Variants in IARS2 observed in about 807,000 individuals in gnomAD.
The protein encoded by IARS2 is isoleucyl-tRNA synthetase 2, mitochondrial.
IARS2 carries 56 observed loss-of-function variants against 126.3 expected under a neutral mutation model. The observed-to-expected ratio is 0.44, with a 90% confidence interval of 0.36 to 0.55. The LOEUF (loss-of-function observed/expected upper bound fraction) is 0.55, where lower values mean the gene tolerates loss of function less well. Ranked by LOEUF, IARS2 falls within the 20% of genes least tolerant of loss-of-function variation. IARS2 has a pLI of 0.00. For synonymous variants in IARS2, 407 were observed against 441.1 expected (o/e 0.92, Z 0.97); for missense variants, 1,127 against 1,245.9 (o/e 0.90, Z 1.44).
rs773732328 is a variant in IARS2 at position 220,094,271 on chromosome 1, C to T, written c.55C>T (p.Arg19Ter). 1 of 1,609,152 alleles carries T rather than the reference C, an allele frequency of 6.2e-7. No homozygotes were observed. The highest frequency in any genetic ancestry group is 1.3e-5 in the African/African-American group (1 of 74,722). ...GGGCGCGGCCGCCCTGGCCACTGCCCGAAGTTTGTGGGGGACGCCCCGCCT... is the reference window on the plus strand; with the variant it reads ...GGGCGCGGCCGCCCTGGCCACTGCCTGAAGTTTGTGGGGGACGCCCCGCCT... ...GPGAAALATA[R>*]SLWGTPRLPC... Residue 19 changes from arginine to a stop codon, truncating the protein, a stop_gained, in exon 1 of 23, where the codon CGA becomes TGA. Coordinates refer to ENST00000366922, the MANE Select transcript of IARS2 (RefSeq NM_018060.4). LOFTEE classifies it high-confidence loss of function.
At chr1:220,119,248 C>T (rs561650092) in intron 12 of IARS2, among the ~76,000 whole-genome samples, 1 of 152,082 alleles carries the variant, frequency 6.6e-6, no homozygotes, top group East Asian at 1.9e-4. Flanking sequence ...AGAAGGGACA[C>T]GTAATGCATG....
intron 13 of IARS2, among the ~76,000 whole-genome samples, chr1:220,125,979 C>T (rs1321903995): frequency 2.6e-5 from 4 of 151,644 alleles, no homozygotes; most frequent in African/African-American, 2.4e-5. Flanking sequence ...CGATGGTGGG[C>T]GCCTGTAGTC....
intron 12 of IARS2, among the ~76,000 whole-genome samples, chr1:220,121,251 A>G (rs1241324052): frequency 6.6e-6 from 1 of 152,216 alleles, no homozygotes; most frequent in Non-Finnish European, 1.5e-5. Context: ...AAGAAAAACA[A>G]AAAACCTTTC....
intron 19 of IARS2, 50 bp from the exon 20 acceptor site, chr1:220,141,753 C>T (rs1657496234): frequency 6.3e-7 from 1 of 1,592,782 alleles, no homozygotes; most frequent in African/African-American, 1.3e-5. Flanking sequence ...ATCTAGGTGA[C>T]CATAATGTAT....
At position 220,102,274 on chromosome 1, in the gene IARS2, T is replaced by A. The variant is rs546640845; in HGVS notation, c.696T>A (p.Asp232Glu). 6.2e-7 allele frequency: 1 copy of A among 1,607,140 alleles called. No individual in the cohort carries two copies. Among genetic ancestry groups the A allele is most frequent in the African/African-American group, 1.3e-5 (1 of 74,402 alleles). Residue 232 changes from aspartate to glutamate, a missense_variant, in exon 4 of 23, where the codon GAT (aspartate) becomes GAA (glutamate). Physicochemically the swap from Asp to Glu is conservative, Grantham distance 45. Coordinates refer to ENST00000366922, the MANE Select transcript of IARS2 (RefSeq NM_018060.4). ...KQLRTFYQMYDKGLVYRSYKP... is the reference protein window; with the variant it reads ...KQLRTFYQMYEKGLVYRSYKP... Reference sequence around the variant, plus strand: ...TGAGAACTTTTTACCAAATGTATGATAAGGTAAAGAAGTATTTTTTCTCTT... The same window carrying A: ...TGAGAACTTTTTACCAAATGTATGAAAAGGTAAAGAAGTATTTTTTCTCTT...
intron 9 of IARS2, among the ~76,000 whole-genome samples, chr1:220,106,666 C>T (rs1274155312): frequency 2.8e-5 from 4 of 144,306 alleles, no homozygotes; most frequent in Non-Finnish European, 4.5e-5. Flanking sequence ...CTTGCTCTGT[C>T]GCCCAGGCTG....
At position 220,109,599 on chromosome 1, in the gene IARS2, C is replaced by T. The variant is rs958089296; in HGVS notation, c.1328-1187C>T. Reference sequence around the variant, plus strand: ...GAGATGGCACTTTTAGAGACAGCAGCTTCAAACCCAGAAAAGGGTAATGAG... The same window carrying T: ...GAGATGGCACTTTTAGAGACAGCAGTTTCAAACCCAGAAAAGGGTAATGAG... On this transcript the variant is annotated intron_variant, in intron 10 of 22. Coordinates refer to ENST00000366922, the MANE Select transcript of IARS2 (RefSeq NM_018060.4). 3.9e-5 allele frequency among the ~76,000 whole-genome samples: 6 copies of T among 152,296 alleles called. No homozygotes were observed. In the East Asian group the frequency reaches 7.7e-4, roughly 20 times the overall value.
chr1:220,120,381 CT>C (rs545771444), intron 12 of IARS2, among the ~76,000 whole-genome samples: 162 of 137,240 alleles, frequency 1.2e-3, no homozygotes, highest in Non-Finnish European at 1.2e-3. Context: ...CGCGCCCGGC[CT>C]TTTTTTTTTT....
At position 220,110,935 on chromosome 1, in the gene IARS2, A is replaced by G; in HGVS notation, c.1477A>G (p.Lys493Glu). 6.2e-7 allele frequency: 1 copy of G among 1,611,768 alleles called. No individual in the cohort carries two copies. The highest frequency in any genetic ancestry group is 1.1e-5 in the South Asian group (1 of 90,364). ...CATCACGGATATTAAGACTGCAGCC[A>G]AGGTATAAAAAGCATCCTGTTTTAA... ...INITDIKTAA[K>E]ELLKKVKFIP... Residue 493 changes from lysine to glutamate, a missense_variant and splice_region_variant, in exon 11 of 23, where the codon AAG becomes GAG. By Grantham distance (56) the Lys-to-Glu change is moderately conservative (BLOSUM62 1). Transcript: ENST00000366922.
intron 10 of IARS2, among the ~76,000 whole-genome samples, chr1:220,109,004 C>T (rs951480038): frequency 5.3e-5 from 8 of 151,908 alleles, no homozygotes; most frequent in South Asian, 4.2e-4. Context: ...AAGGACAGTA[C>T]GTTTTAAGCC....
intron 12 of IARS2, among the ~76,000 whole-genome samples, chr1:220,117,060 A>C (rs1448129328): frequency 6.6e-6 from 1 of 151,836 alleles, no homozygotes; most frequent in African/African-American, 2.4e-5. Context: ...ACTTAGTTTA[A>C]AAGAAAAAGA....
chr1:220,141,747 A>G (rs1042129236), intron 19 of IARS2, 56 bp from the exon 20 acceptor site: 2 of 1,573,924 alleles, frequency 1.3e-6, no homozygotes, highest in Middle Eastern at 1.7e-4. Context: ...GGTCCCATCT[A>G]GGTGACCATA....
In IARS2 at chr1:220,145,668, AAAGTAAC is replaced by A; in HGVS notation, c.2896+24_2896+30del. The A allele has an allele frequency of 6.2e-7, 1 of 1,601,876 alleles. No individual in the cohort carries two copies. The highest frequency in any genetic ancestry group is 8.5e-7 in the Non-Finnish European group (1 of 1,171,996). On this transcript the variant is annotated intron_variant, in intron 22 of 22. Transcript: ENST00000366922. ...CAACTTAGAAGGTAAGAAGGAGATG[AAAGTAAC>A]AAGTAACATCTGGAGAATTGAATAA...
At chr1:220,097,271 C>T (rs1016878575) in intron 2 of IARS2, among the ~76,000 whole-genome samples, 1 of 151,762 alleles carries the variant, frequency 6.6e-6, no homozygotes, top group African/African-American at 2.4e-5. Context: ...CTCTTTGCTA[C>T]TTTAGTGACT....
rs199840959 is a variant in IARS2 at position 220,142,958 on chromosome 1, T to C, written c.2575T>C (p.Phe859Leu). Residue 859 changes from phenylalanine (F) to leucine (L), a missense_variant, in exon 21 of 23, where the codon TTC becomes CTC. Transcript: ENST00000366922. The stretch of plus-strand genomic sequence containing the variant: ...TTCTTCTGAAGAGCCCAAGAGTGTT[T>C]TCCGTACTGGGTGGATTAGTACTAG... ...IPYIKEPKSV[F>L]RTGWISTSSI... 36 of 1,610,430 alleles carry C rather than the reference T, an allele frequency of 2.2e-5. No homozygotes were observed. In the East Asian group the frequency reaches 7.4e-4, roughly 33 times the overall value.
intron 14 of IARS2, among the ~76,000 whole-genome samples, chr1:220,131,133 A>G (rs1657257811): frequency 6.6e-6 from 1 of 152,012 alleles, no homozygotes; most frequent in Admixed American, 6.6e-5. Flanking sequence ...GTTTCTGTGA[A>G]GAATATCATT....
chr1:220,115,082 G>A (rs1656887339), intron 12 of IARS2, among the ~76,000 whole-genome samples: 1 of 151,926 alleles, frequency 6.6e-6, no homozygotes, highest in African/African-American at 2.4e-5. Flanking sequence ...GTTTACAGCT[G>A]TTTCTGAATC....
Position 220,125,334 on chromosome 1 carries a change from T to A in IARS2, c.1738T>A (p.Ser580Thr). Residue 580 changes from serine to threonine, a missense_variant, in exon 13 of 23, where the codon TCT becomes ACT. Coordinates refer to ENST00000366922, the MANE Select transcript of IARS2 (RefSeq NM_018060.4). ...PEQLLPKEVL[S>T]EVGGPDALEY... ...ACAACTTCTTCCAAAAGAAGTCTTA[T>A]CTGAGGTAAATTTCTGTTTGTATTT... The A allele has an allele frequency of 1.9e-6, 3 of 1,600,844 alleles. No homozygotes were observed. The highest frequency in any genetic ancestry group is 2.6e-6 in the Non-Finnish European group (3 of 1,168,050).
At chr1:220,106,418 A>G (rs998804117) in intron 9 of IARS2, among the ~76,000 whole-genome samples, 2 of 152,158 alleles carry the variant, frequency 1.3e-5, no homozygotes, top group Non-Finnish European at 2.9e-5. Flanking sequence ...TTACTTAGCA[A>G]GTATTTCCGT....
Sources: allele counts gnomAD v4.1 joint callset (sites outside exome capture counted in the v4.1 genomes callset), GRCh38; gene constraint gnomAD v4.1.1; transcripts MANE v1.5; gene names NCBI Gene and HGNC (gene_info 2026-07-23, HGNC 2026-07-21).